NEGR1: variants seen among roughly 807,000 people sequenced by gnomAD.
NEGR1 encodes neuronal growth regulator 1, also known as IgLON family member 4.
In NEGR1, 10 loss-of-function variants were observed where a neutral mutation model predicts 40.9. The ratio of observed to expected loss-of-function variants is 0.24; its 90% CI spans 0.15 to 0.42. The LOEUF (loss-of-function observed/expected upper bound fraction) is 0.42, where lower values mean the gene tolerates loss of function less well. Ranked by LOEUF, NEGR1 falls within the 10% of genes least tolerant of loss-of-function variation. The pLI is 1.00. For synonymous variants in NEGR1, 185 were observed against 166.8 expected, an observed-to-expected ratio of 1.11 and a Z score of -0.84; for missense variants, 352 against 438.9, an observed-to-expected ratio of 0.80 and a Z score of 1.77.
At chr1:71,783,108 G>T (rs1656775584) in intron 2 of NEGR1, among the ~76,000 whole-genome samples, 1 of 151,954 alleles carries the variant, frequency 6.6e-6, no homozygotes, top group African/African-American at 2.4e-5. Context: ...TTGGAGTCTG[G>T]GTTAGTTTGG....
At chr1:72,144,381 G>A (rs1258753586) in intron 1 of NEGR1, among the ~76,000 whole-genome samples, 2 of 151,812 alleles carry the variant, frequency 1.3e-5, no homozygotes, top group Non-Finnish European at 2.9e-5. Context: ...CCTTTGAGGT[G>A]TATTCTACTA....
intron 2 of NEGR1, among the ~76,000 whole-genome samples, chr1:71,883,159 G>A (rs906818766): frequency 6.6e-6 from 1 of 151,952 alleles, no homozygotes; most frequent in African/African-American, 2.4e-5. Context: ...ACATTAGCTT[G>A]CTCATCAATA....
At chr1:71,928,912 A>G (rs1241928156) in intron 2 of NEGR1, among the ~76,000 whole-genome samples, 5 of 152,082 alleles carry the variant, frequency 3.3e-5, no homozygotes, top group African/African-American at 1.2e-4. Flanking sequence ...TTGGACCTGC[A>G]CTATAATGTA....
chr1:71,900,593 G>GGTAAGTTAACCAACTATGTAA (rs2101862740), intron 2 of NEGR1, among the ~76,000 whole-genome samples: 1 of 152,016 alleles, frequency 6.6e-6, no homozygotes, highest in South Asian at 2.1e-4. Context: ...TAACTTGCAG[G>GGTAAGTTAACCAACTATGTAA]GTAACCAACT....
intron 3 of NEGR1, among the ~76,000 whole-genome samples, chr1:71,719,546 T>C (rs944676621): frequency 2.0e-5 from 3 of 151,944 alleles, no homozygotes; most frequent in African/African-American, 7.3e-5. Flanking sequence ...ACACTAGCAG[T>C]GATAGAGAGA....
intron 6 of NEGR1, among the ~76,000 whole-genome samples, chr1:71,589,782 T>C (rs1649438064): frequency 6.6e-6 from 1 of 151,936 alleles, no homozygotes; most frequent in South Asian, 2.1e-4. Flanking sequence ...TAATACTGGG[T>C]TTAGCAGTCC....
At chr1:72,242,854 A>C (rs751073627) in intron 1 of NEGR1, among the ~76,000 whole-genome samples, 7 of 151,632 alleles carry the variant, frequency 4.6e-5, no homozygotes, top group Admixed American at 6.6e-5. Flanking sequence ...CTCATTGTTG[A>C]GTCGGCCCTG....
intron 1 of NEGR1, among the ~76,000 whole-genome samples, chr1:72,154,008 T>C (rs1162023507): frequency 6.6e-6 from 1 of 151,714 alleles, no homozygotes; most frequent in Non-Finnish European, 1.5e-5. Context: ...TGTCATCTTA[T>C]AAAAAAATTG....
At chr1:71,473,904 A>T (rs1646800966) in intron 6 of NEGR1, among the ~76,000 whole-genome samples, 1 of 152,060 alleles carries the variant, frequency 6.6e-6, no homozygotes, top group Non-Finnish European at 1.5e-5. Context: ...AAGAAAAAAA[A>T]ATTTTGGAAG....
chr1:72,182,070 A>G (rs1262161520), intron 1 of NEGR1, among the ~76,000 whole-genome samples: 1 of 152,200 alleles, frequency 6.6e-6, no homozygotes. Flanking sequence ...AAAAGCAAAT[A>G]CAAAAAATGG....
At chr1:71,668,638 A>G (rs1652317752) in intron 4 of NEGR1, among the ~76,000 whole-genome samples, 1 of 152,148 alleles carries the variant, frequency 6.6e-6, no homozygotes, top group Non-Finnish European at 1.5e-5. Context: ...TGGGGCCTAG[A>G]GTGCATCCTT....
At position 71,597,962 on chromosome 1, in the gene NEGR1, G is replaced by A. The variant is rs145151557; in HGVS notation, c.789-4994C>T. ...TGTACACAATAATGTTTCGTGTTAC[G>A]AGTGTGAAAAATCGACACACAGAAA... On this transcript the variant is annotated intron_variant, in intron 5 of 6. Transcript: ENST00000357731. Among the ~76,000 whole-genome samples the A allele has an allele frequency of 3.7e-4, 57 of 152,060 alleles. No homozygotes were observed. In the East Asian group the frequency reaches 4.3e-3, roughly 11 times the overall value.
At chr1:71,584,689 T>A (rs1315712072) in intron 6 of NEGR1, among the ~76,000 whole-genome samples, 1 of 152,074 alleles carries the variant, frequency 6.6e-6, no homozygotes, top group African/African-American at 2.4e-5. Flanking sequence ...ATAAGTATGC[T>A]CCAAGAAACT....
chr1:72,039,279 A>G (rs1646931275), intron 1 of NEGR1, among the ~76,000 whole-genome samples: 1 of 152,032 alleles, frequency 6.6e-6, no homozygotes, highest in African/African-American at 2.4e-5. Flanking sequence ...AGCACTGGGA[A>G]GCCATTGAAA....
At chr1:72,193,546 C>A (rs1445914530) in intron 1 of NEGR1, among the ~76,000 whole-genome samples, 2 of 151,526 alleles carry the variant, frequency 1.3e-5, no homozygotes, top group Non-Finnish European at 3.0e-5. Flanking sequence ...ATCCATCTTG[C>A]TGGGATGACT....
chr1:71,941,466 C>T (rs142272366), intron 1 of NEGR1, among the ~76,000 whole-genome samples: 164 of 151,984 alleles, frequency 1.1e-3, no homozygotes, highest in Middle Eastern at 3.4e-3. Context: ...TTTATATAAT[C>T]TTATGATTGA....
chr1:71,431,833 CTAGAGATTTAAATAAAGTAATTCTTTGCA>C (rs1158646334), intron 6 of NEGR1, among the ~76,000 whole-genome samples: 1 of 151,934 alleles, frequency 6.6e-6, no homozygotes, highest in African/African-American at 2.4e-5. Flanking sequence ...AGACTTTTGC[CTAGAGATTTAAATAAAGTAATTCTTTGCA>C]TAGAGATTTA....
intron 1 of NEGR1, among the ~76,000 whole-genome samples, chr1:72,199,265 G>A (rs903035518): frequency 3.1e-4 from 13 of 42,156 alleles, no homozygotes; most frequent in Non-Finnish European, 4.4e-4. Flanking sequence ...CGCTACTCTG[G>A]GGGGGGTGCC....
chr1:71,536,908 AATG>A (rs1343309943), intron 6 of NEGR1, among the ~76,000 whole-genome samples: 1 of 151,758 alleles, frequency 6.6e-6, no homozygotes, highest in Middle Eastern at 3.2e-3. Flanking sequence ...TAAAGAAAAT[AATG>A]ATATTTTATT....
Sources: allele counts gnomAD v4.1 joint callset (sites outside exome capture counted in the v4.1 genomes callset), GRCh38; gene constraint gnomAD v4.1.1; transcripts MANE v1.5; gene names NCBI Gene and HGNC (gene_info 2026-07-23, HGNC 2026-07-21).